LAMA2: variants seen among roughly 807,000 people sequenced by gnomAD.
The protein encoded by LAMA2 is laminin subunit alpha-2.
LAMA2 carries 269 observed loss-of-function variants against 364.8 expected under a neutral mutation model. The observed-to-expected ratio is 0.74, with a 90% CI of 0.67 to 0.82. The LOEUF (loss-of-function observed/expected upper bound fraction) is 0.82. LAMA2 is among the 40% of genes least tolerant of loss of function. LAMA2 has a pLI of 0.00. For synonymous variants in LAMA2, 1,379 were observed against 1,370.6 expected (o/e 1.01, Z -0.14); for missense variants, 3,807 against 3,873.2 (o/e 0.98, Z 0.45).
At chr6:129,335,692 G>A (rs77863623) in intron 29 of LAMA2, among the ~76,000 whole-genome samples, 10,307 of 151,734 alleles carry the variant, frequency 0.068, 544 homozygotes, top group Admixed American at 0.14. Context: ...TTTTTGTTTT[G>A]TAAACCTTAT....
intron 1 of LAMA2, among the ~76,000 whole-genome samples, chr6:128,998,662 T>A (rs1784168287): frequency 1.6e-5 from 1 of 64,312 alleles, no homozygotes; most frequent in Non-Finnish European, 2.9e-5. Context: ...ATCGGGTCAC[T>A]CCCACCCGAA....
At chr6:129,481,794 ACAGT>A (rs1322749254) in intron 55 of LAMA2, among the ~76,000 whole-genome samples, 1 of 152,202 alleles carries the variant, frequency 6.6e-6, no homozygotes, top group Non-Finnish European at 1.5e-5. Flanking sequence ...AAATCTGTAG[ACAGT>A]CAGCTTCGGT....
chr6:129,175,975 C>T (rs1780562997), intron 9 of LAMA2, among the ~76,000 whole-genome samples: 1 of 151,244 alleles, frequency 6.6e-6, no homozygotes, highest in African/African-American at 2.4e-5. Context: ...CTCTTTACTT[C>T]CTGTGGTGTT....
intron 12 of LAMA2, among the ~76,000 whole-genome samples, chr6:129,222,806 T>C (rs969696514): frequency 5.9e-5 from 9 of 152,144 alleles, no homozygotes; most frequent in African/African-American, 2.2e-4. Flanking sequence ...TAAACATACA[T>C]GTGCATGTGT....
intron 13 of LAMA2, among the ~76,000 whole-genome samples, chr6:129,251,275 G>T (rs1361545814): frequency 6.6e-6 from 1 of 151,920 alleles, no homozygotes; most frequent in East Asian, 1.9e-4. Context: ...CCTATTTTGA[G>T]AATTAGACTG....
At chr6:129,469,235 T>C (rs1783692264) in intron 51 of LAMA2, among the ~76,000 whole-genome samples, 2 of 151,886 alleles carry the variant, frequency 1.3e-5, no homozygotes, top group Admixed American at 1.3e-4. Context: ...TTAAGTATAT[T>C]ACTCGAGGTG....
intron 64 of LAMA2, among the ~76,000 whole-genome samples, chr6:129,515,265 T>C (rs1001364887): frequency 2.0e-5 from 3 of 152,244 alleles, no homozygotes; most frequent in African/African-American, 7.2e-5. Flanking sequence ...CTTTTATCCC[T>C]GTTTATATAA....
At chr6:129,346,273 C>T (rs993726769) in intron 30 of LAMA2, among the ~76,000 whole-genome samples, 5 of 152,174 alleles carry the variant, frequency 3.3e-5, no homozygotes, top group Admixed American at 6.5e-5. Flanking sequence ...CCAAGTTTGG[C>T]ATTTCTTGCA....
Position 129,492,087 on chromosome 6 carries a change from TCTC to T in LAMA2, c.8075+14_8075+16del, listed in dbSNP as rs1784893621. On this transcript the variant is annotated intron_variant, in intron 57 of 64. Coordinates refer to ENST00000421865, the MANE Select transcript of LAMA2 (RefSeq NM_000426.4). ...TTGTTATTAACTCTGTGTAAGTGGATCTCCTCATTACTACTACTAATTTTTTAT... is the reference window on the plus strand; with the variant it reads ...TTGTTATTAACTCTGTGTAAGTGGATCTCATTACTACTACTAATTTTTTAT... The T allele has an allele frequency of 6.2e-7, 1 of 1,609,260 alleles. No homozygotes were observed. Among genetic ancestry groups the T allele is most frequent in the African/African-American group, 1.3e-5 (1 of 74,922 alleles).
At chr6:129,389,604 A>G (rs1779208159) in intron 35 of LAMA2, among the ~76,000 whole-genome samples, 1 of 152,242 alleles carries the variant, frequency 6.6e-6, no homozygotes, top group Non-Finnish European at 1.5e-5. Flanking sequence ...TAACTTATGA[A>G]GAAAAGACGT....
chr6:129,412,622 C>A (rs1419034262), intron 40 of LAMA2, among the ~76,000 whole-genome samples: 1 of 152,104 alleles, frequency 6.6e-6, no homozygotes, highest in African/African-American at 2.4e-5. Flanking sequence ...CCATATACAA[C>A]AATCAGGGTA....
chr6:128,956,249 T>C (rs373110652), intron 1 of LAMA2, among the ~76,000 whole-genome samples: 2 of 152,052 alleles, frequency 1.3e-5, no homozygotes, highest in Admixed American at 6.6e-5. Flanking sequence ...ATTTGCATTT[T>C]TAAAATCTCC....
At chr6:129,427,497 T>G (rs1261260150) in intron 40 of LAMA2, among the ~76,000 whole-genome samples, 5 of 152,226 alleles carry the variant, frequency 3.3e-5, no homozygotes, top group African/African-American at 1.2e-4. Context: ...GCCAGTCACC[T>G]TGCCAGCTCC....
At chr6:128,905,968 C>G (rs1777435192) in intron 1 of LAMA2, among the ~76,000 whole-genome samples, 1 of 151,404 alleles carries the variant, frequency 6.6e-6, no homozygotes, top group South Asian at 2.1e-4. Flanking sequence ...ATGAACTCAT[C>G]ATTTTTTATG....
intron 35 of LAMA2, among the ~76,000 whole-genome samples, chr6:129,383,655 T>TA (rs1318293470): frequency 6.6e-6 from 1 of 152,224 alleles, no homozygotes; most frequent in Non-Finnish European, 1.5e-5. Context: ...GACTGGTTTT[T>TA]AATGAACATC....
chr6:129,172,900 A>G (rs1780297632), intron 9 of LAMA2, among the ~76,000 whole-genome samples: 1 of 152,212 alleles, frequency 6.6e-6, no homozygotes, highest in Non-Finnish European at 1.5e-5. Context: ...GCCCGTCGGA[A>G]AAGCGCAGTA....
intron 9 of LAMA2, among the ~76,000 whole-genome samples, chr6:129,166,451 C>G (rs1263638188): frequency 1.3e-5 from 2 of 152,090 alleles, no homozygotes; most frequent in South Asian, 4.1e-4. Context: ...AGCAATGTTT[C>G]TTAGGTACAA....
intron 56 of LAMA2, among the ~76,000 whole-genome samples, chr6:129,488,379 A>C (rs898650650): frequency 6.6e-6 from 1 of 152,226 alleles, no homozygotes; most frequent in Non-Finnish European, 1.5e-5. Flanking sequence ...AGATTTGAGA[A>C]ATTAGTTTAC....
At chr6:129,427,663 G>A in intron 40 of LAMA2, 89 bp from the exon 41 acceptor site, 1 of 912,826 alleles carries the variant, frequency 1.1e-6, no homozygotes, top group Non-Finnish European at 1.8e-6. Flanking sequence ...TTTCCTAAAG[G>A]CAAACTCTGT....
Sources: allele counts gnomAD v4.1 joint callset (sites outside exome capture counted in the v4.1 genomes callset), GRCh38; gene constraint gnomAD v4.1.1; transcripts MANE v1.5; gene names NCBI Gene and HGNC (gene_info 2026-07-23, HGNC 2026-07-21).